The following PEMT variants were observed in gnomAD, a reference collection of about 807,000 sequenced individuals.
PEMT encodes the protein phosphatidylethanolamine N-methyltransferase.
A neutral mutation model predicts 27.4 loss-of-function variants in PEMT; 23 were observed. That is an observed-to-expected ratio of 0.84 (90% CI 0.60 to 1.19). The LOEUF is 1.19. Ranked by LOEUF, PEMT falls within the 50% of genes most tolerant of loss-of-function variation. The pLI, the probability that PEMT is intolerant of heterozygous loss-of-function variation, is 0.00. For synonymous variants in PEMT, 137 were observed against 139.1 expected, an observed-to-expected ratio of 0.98 and a Z score of 0.11; for missense variants, 307 against 310.1, an observed-to-expected ratio of 0.99 and a Z score of 0.07.
intron 2 of PEMT, among the ~76,000 whole-genome samples, chr17:17,550,440 C>A (rs1031136429): frequency 2.0e-5 from 3 of 152,186 alleles, no homozygotes; most frequent in East Asian, 1.9e-4. Context: ...GGTGTGTGCA[C>A]AAGCCACACC....
chr17:17,510,181 G>A (rs1239433957), intron 4 of PEMT, among the ~76,000 whole-genome samples: 1 of 152,110 alleles, frequency 6.6e-6, no homozygotes, highest in African/African-American at 2.4e-5. Context: ...GGTGACTATT[G>A]AACAGCCTGT....
intron 2 of PEMT, among the ~76,000 whole-genome samples, chr17:17,541,618 G>T (rs73978970): frequency 5.1e-4 from 77 of 152,396 alleles, no homozygotes; most frequent in African/African-American, 1.8e-3. Context: ...CTGCTGCAGG[G>T]CCTAAAGCAG....
intron 3 of PEMT, among the ~76,000 whole-genome samples, chr17:17,515,428 C>G (rs1408410425): frequency 6.6e-6 from 1 of 152,220 alleles, no homozygotes; most frequent in African/African-American, 2.4e-5. Flanking sequence ...AGTCCCCCAG[C>G]TGCTCCTCCG....
At chr17:17,581,578 G>A (rs764296845) in intron 1 of PEMT, among the ~76,000 whole-genome samples, 2 of 152,252 alleles carry the variant, frequency 1.3e-5, no homozygotes, top group Non-Finnish European at 2.9e-5. Context: ...GATGAAGGAC[G>A]GAAACTGAGC....
chr17:17,556,916 G>A (rs571519061), intron 2 of PEMT, among the ~76,000 whole-genome samples: 1 of 152,294 alleles, frequency 6.6e-6, no homozygotes, highest in Non-Finnish European at 1.5e-5. Context: ...GGAAAGCAAG[G>A]TTCTCATCTT....
At chr17:17,590,396 C>A (rs188110081) in intron 1 of PEMT, among the ~76,000 whole-genome samples, 169 of 152,322 alleles carry the variant, frequency 1.1e-3, no homozygotes, top group Non-Finnish European at 2.1e-3. Context: ...GACCTTTCGG[C>A]TCTCAGATCC....
chr17:17,562,427 C>T (rs879719188), intron 2 of PEMT, among the ~76,000 whole-genome samples: 1 of 152,070 alleles, frequency 6.6e-6, no homozygotes, highest in Non-Finnish European at 1.5e-5. Flanking sequence ...GGGCACTGTC[C>T]CTCGCCACGG....
At chr17:17,506,927 G>A (rs1905909129) in intron 5 of PEMT, 4 of 532,560 alleles carry the variant, frequency 7.5e-6, no homozygotes, top group South Asian at 5.0e-5. Flanking sequence ...GCAGCCCCAC[G>A]CCCAGGAGCC....
chr17:17,506,622 C>T (rs1010674192), intron 5 of PEMT, among the ~76,000 whole-genome samples: 3 of 152,228 alleles, frequency 2.0e-5, no homozygotes, highest in East Asian at 1.9e-4. Flanking sequence ...CAGCCCCAGG[C>T]GGAAGAGTCC....
At chr17:17,566,789 G>A (rs576740715) in intron 2 of PEMT, among the ~76,000 whole-genome samples, 5 of 152,340 alleles carry the variant, frequency 3.3e-5, no homozygotes, top group Admixed American at 1.3e-4. Flanking sequence ...GGGGCAGGTC[G>A]CGAACGAACC....
chr17:17,565,587 T>G (rs1318131936), intron 2 of PEMT, among the ~76,000 whole-genome samples: 2 of 152,228 alleles, frequency 1.3e-5, no homozygotes, highest in African/African-American at 4.8e-5. Context: ...GGGCTGCCTC[T>G]AGGGCAACTG....
chr17:17,583,237 G>A (rs1331655373), intron 1 of PEMT, among the ~76,000 whole-genome samples: 4 of 151,492 alleles, frequency 2.6e-5, no homozygotes, highest in Non-Finnish European at 5.9e-5. Context: ...ATAGCCAGAC[G>A]TGGTGGCAGG....
At chr17:17,587,405 G>T (rs1048338510) in intron 1 of PEMT, among the ~76,000 whole-genome samples, 4 of 152,092 alleles carry the variant, frequency 2.6e-5, no homozygotes, top group African/African-American at 9.7e-5. Flanking sequence ...TAAAGGATTT[G>T]AATTTATGGC....
At position 17,582,054 on chromosome 17, in the gene PEMT, C is replaced by T. The variant is rs138672282; in HGVS notation, c.97-5027G>A. 2.0e-5 allele frequency among the ~76,000 whole-genome samples: 3 copies of T among 152,246 alleles called. No homozygotes were observed. Among genetic ancestry groups the T allele is most frequent in the African/African-American group, 2.4e-5 (1 of 41,544 alleles). On this transcript the variant is annotated intron_variant, in intron 1 of 6. Coordinates refer to ENST00000255389, the MANE Select transcript of PEMT (RefSeq NM_148172.3). The surrounding 1 kb of genome is among the most constrained non-coding windows in gnomAD (Gnocchi z 4.9). ...GTAGGAGAGTCCTGGGTCCCACATC[C>T]AGGCTCTGCCTCCGGGTGTCAGAGT...
Position 17,582,561 on chromosome 17 carries a change from C to T in PEMT, c.97-5534G>A. 3.1e-6 allele frequency: 1 copy of T among 318,648 alleles called. No individual in the cohort carries two copies. The highest frequency in any genetic ancestry group is 4.5e-6 in the Non-Finnish European group (1 of 220,632). 19.7% of individuals were successfully genotyped at this position (318,648 alleles called of 1,614,324 possible). A position where few individuals can be genotyped will look rare whatever the true frequency, so the allele number is the denominator to read the frequency against. ...CAAAGGGCAGGGGAATGGGTGGGGGCTGCTGGAGAGGGGACAGGTCCTCCT... is the reference window on the plus strand; with the variant it reads ...CAAAGGGCAGGGGAATGGGTGGGGGTTGCTGGAGAGGGGACAGGTCCTCCT... On this transcript the variant is annotated intron_variant, in intron 1 of 6. Coordinates refer to ENST00000255389, the MANE Select transcript of PEMT (RefSeq NM_148172.3). The surrounding 1 kb of genome is among the most constrained non-coding windows in gnomAD (Gnocchi z 4.9).
At chr17:17,587,151 G>C (rs1912358273) in intron 1 of PEMT, among the ~76,000 whole-genome samples, 1 of 151,818 alleles carries the variant, frequency 6.6e-6, no homozygotes, top group Non-Finnish European at 1.5e-5. Flanking sequence ...GGTTCTTTGG[G>C]GAAAATTTAT....
chr17:17,573,138 G>A (rs528183438), intron 2 of PEMT, among the ~76,000 whole-genome samples: 10 of 151,254 alleles, frequency 6.6e-5, no homozygotes, highest in Non-Finnish European at 1.3e-4. Context: ...GCAGTGAGTC[G>A]AGATCGTGCC....
In PEMT at chr17:17,582,486, G is replaced by T; in HGVS notation, c.97-5459C>A. 1 of 933,824 alleles carries T rather than the reference G, an allele frequency of 1.1e-6. No homozygotes were observed. The highest frequency in any genetic ancestry group is 1.3e-6 in the Non-Finnish European group (1 of 782,848). The allele number at this position is 933,824 out of a possible 1,614,324, so 57.8% of individuals were successfully genotyped here. ...CATTGTGACACATGGACAAACAGCA[G>T]GCCTGGACAGGCAAAGTCACATCGA... On this transcript the variant is annotated intron_variant, in intron 1 of 6. Transcript: ENST00000255389. This position sits in a 1 kb window ranked among gnomAD's most constrained non-coding sequence, Gnocchi z 4.9.
chr17:17,528,335 G>A (rs752307071), intron 2 of PEMT, among the ~76,000 whole-genome samples: 7 of 152,178 alleles, frequency 4.6e-5, no homozygotes, highest in East Asian at 3.9e-4. Flanking sequence ...CCTGCCTTGC[G>A]GCTCCGGCAA....
Sources: gnomAD v4.1 joint callset for allele counts (sites outside exome capture counted in the v4.1 genomes callset) on GRCh38, gnomAD v4.1.1 for gene constraint, Gnocchi (gnomAD v3.1) non-coding constraint, MANE v1.5 for transcripts, NCBI Gene and HGNC (gene_info 2026-07-23, HGNC 2026-07-21) for gene names.